Variants in PCGF3 observed in about 807,000 individuals in gnomAD.
The protein encoded by PCGF3 is polycomb group ring finger 3.
PCGF3 carries 7 observed loss-of-function variants against 33.1 expected under a neutral mutation model. That is an observed-to-expected ratio of 0.21 (90% CI 0.12 to 0.40). The LOEUF is 0.40. PCGF3 is among the 10% of genes least tolerant of loss of function. The probability of loss-of-function intolerance (pLI) is 1.00; values close to 1 mark genes in which losing one functional copy is unlikely to be tolerated. For synonymous variants in PCGF3, 153 were observed against 121.3 expected (o/e 1.26, Z -1.72); for missense variants, 211 against 313.3 (o/e 0.67, Z 2.46).
intron 6 of PCGF3, among the ~76,000 whole-genome samples, chr4:742,526 C>T (rs71604315): frequency 6.6e-6 from 1 of 152,228 alleles, no homozygotes; most frequent in Non-Finnish European, 1.5e-5. Flanking sequence ...TCTTTGCTAC[C>T]TACTGTGTGT....
exon 11 of PCGF3, chr4:767,556 C>T (rs1235836975): frequency 1.3e-5 from 2 of 152,108 alleles, no homozygotes; most frequent in Non-Finnish European, 2.9e-5. Context: ...GATTTTTTTT[C>T]TTGAATTTCG....
chr4:725,616 G>A (rs957506870), intron 1 of PCGF3, among the ~76,000 whole-genome samples: 3 of 151,414 alleles, frequency 2.0e-5, no homozygotes, highest in African/African-American at 7.3e-5. Flanking sequence ...GTGGGCTGCC[G>A]AGGGCTGCTG....
intron 8 of PCGF3, among the ~76,000 whole-genome samples, chr4:756,224 T>A (rs1035535711): frequency 1.4e-5 from 2 of 146,052 alleles, no homozygotes; most frequent in African/African-American, 5.1e-5. Flanking sequence ...GGCTTTTTTT[T>A]TTTTGAGATG....
intron 6 of PCGF3, among the ~76,000 whole-genome samples, chr4:738,616 G>A (rs1025661853): frequency 6.6e-6 from 1 of 151,754 alleles, no homozygotes; most frequent in Non-Finnish European, 1.5e-5. Flanking sequence ...TTGGGAGGCC[G>A]AGGCGGGTGG....
At position 721,204 on chromosome 4, in the gene PCGF3, G is replaced by T. The variant is rs1288041600; in HGVS notation, c.-189-9426G>T. Among the ~76,000 whole-genome samples, 3 of 152,138 alleles carry T rather than the reference G, an allele frequency of 2.0e-5. No homozygotes were observed. The highest frequency in any genetic ancestry group is 4.4e-5 in the Non-Finnish European group (3 of 68,024). On this transcript the variant is annotated intron_variant, in intron 1 of 10. Coordinates refer to ENST00000362003, the Ensembl canonical transcript of PCGF3. The surrounding 1 kb of genome is among the most constrained non-coding windows in gnomAD (Gnocchi z 4.1). ...CAACAGTGCGGGCCCTGATTCTCAT[G>T]GTTCCCCAGTGAGGCTGTTCCACGG...
chr4:728,315 C>A (rs532254537), intron 1 of PCGF3, among the ~76,000 whole-genome samples: 5 of 151,972 alleles, frequency 3.3e-5, no homozygotes, highest in Non-Finnish European at 5.9e-5. Context: ...GTGTTTACAG[C>A]ATGTTAAGTG....
chr4:715,390 G>T (rs1418914087), intron 1 of PCGF3, among the ~76,000 whole-genome samples: 1 of 146,946 alleles, frequency 6.8e-6, no homozygotes, highest in Non-Finnish European at 1.5e-5. Context: ...CCGGGCATCG[G>T]TGCTGGGACC....
intron 1 of PCGF3, among the ~76,000 whole-genome samples, chr4:730,120 C>A (rs1165659540): frequency 6.6e-6 from 1 of 152,156 alleles, no homozygotes; most frequent in African/African-American, 2.4e-5. Flanking sequence ...TCAGTGCCCA[C>A]GCCGGGGCCC....
chr4:714,313 C>G (rs1049929888), intron 1 of PCGF3, among the ~76,000 whole-genome samples: 13 of 152,210 alleles, frequency 8.5e-5, no homozygotes, highest in Non-Finnish European at 1.8e-4. Flanking sequence ...TGCCCAGACC[C>G]ACTCGTGGCC....
At chr4:731,576 GTGGTCCTCGGGC>G (rs1743565119) in intron 3 of PCGF3, among the ~76,000 whole-genome samples, 1 of 121,032 alleles carries the variant, frequency 8.3e-6, no homozygotes, top group African/African-American at 2.8e-5. Context: ...GTGGGTGGGC[GTGGTCCTCGGGC>G]ATAGGGCGGG....
intron 1 of PCGF3, among the ~76,000 whole-genome samples, chr4:709,495 T>C (rs1300285348): frequency 6.6e-6 from 1 of 151,964 alleles, no homozygotes; most frequent in Non-Finnish European, 1.5e-5. Context: ...GAATGATCCA[T>C]GAACAAATGA....
At chr4:708,473 G>C (rs535490108) in intron 1 of PCGF3, among the ~76,000 whole-genome samples, 1 of 151,860 alleles carries the variant, frequency 6.6e-6, no homozygotes, top group Admixed American at 6.5e-5. Flanking sequence ...TGGTACCCGA[G>C]GCCCTTTCCA....
intron 8 of PCGF3, among the ~76,000 whole-genome samples, chr4:758,421 C>T (rs540531500): frequency 3.4e-5 from 5 of 144,946 alleles, no homozygotes; most frequent in South Asian, 2.2e-4. Flanking sequence ...TTTCTCCCCG[C>T]GCGGCCCCTC....
chr4:761,473 A>G (rs1280942106), intron 9 of PCGF3, 57 bp downstream of exon 9: 2 of 1,489,766 alleles, frequency 1.3e-6, no homozygotes, highest in South Asian at 1.3e-5. Context: ...TTCTAAAGGT[A>G]ACTCCAAGAT....
At chr4:748,318 G>C (rs1319369368) in intron 8 of PCGF3, among the ~76,000 whole-genome samples, 4 of 151,902 alleles carry the variant, frequency 2.6e-5, no homozygotes, top group Non-Finnish European at 5.9e-5. Context: ...TCCTGCCTCA[G>C]CCTCCCGAGT....
Position 720,493 on chromosome 4 carries a change from T to A in PCGF3, c.-189-10137T>A, listed in dbSNP as rs1227843712. Among the ~76,000 whole-genome samples, 1 of 152,076 alleles carries A rather than the reference T, an allele frequency of 6.6e-6. No individual in the cohort carries two copies. The highest frequency in any genetic ancestry group is 1.5e-5 in the Non-Finnish European group (1 of 68,000). On this transcript the variant is annotated intron_variant, in intron 1 of 10. Coordinates refer to ENST00000362003, the Ensembl canonical transcript of PCGF3. This position sits in a 1 kb window ranked among gnomAD's most constrained non-coding sequence, Gnocchi z 5.6. ...AGGGGCTGGCCCACCCGTGAGTGGG[T>A]AGGGCCTCCTGCCAGGGAGCCTTGT...
intron 9 of PCGF3, 112 bp from the exon 10 acceptor site, chr4:764,872 A>C: frequency 1.5e-6 from 1 of 688,298 alleles, no homozygotes; most frequent in East Asian, 2.7e-5. Context: ...ATCTCTAGGC[A>C]CGTTCTTGCA....
chr4:717,236 A>C, intron 1 of PCGF3, among the ~76,000 whole-genome samples: 1 of 56,714 alleles, frequency 1.8e-5, no homozygotes, highest in Non-Finnish European at 3.1e-5. Context: ...CGGTGCTGGG[A>C]CCCTGTAGAC....
At chr4:754,360 C>T (rs1272136586) in intron 8 of PCGF3, among the ~76,000 whole-genome samples, 3 of 152,180 alleles carry the variant, frequency 2.0e-5, no homozygotes, top group Non-Finnish European at 2.9e-5. Flanking sequence ...ACTTCACACC[C>T]GAGAGCCGGT....
Sources: allele counts gnomAD v4.1 joint callset (sites outside exome capture counted in the v4.1 genomes callset), GRCh38; gene constraint gnomAD v4.1.1; non-coding constraint Gnocchi (gnomAD v3.1); transcripts MANE v1.5; gene names NCBI Gene and HGNC (gene_info 2026-07-23, HGNC 2026-07-21).